SHISA9: variants seen among roughly 807,000 people sequenced by gnomAD.
SHISA9 encodes the protein shisa family member 9.
A neutral mutation model predicts 38.0 loss-of-function variants in SHISA9; 13 were observed. The observed-to-expected ratio is 0.34, with a 90% CI of 0.22 to 0.54. SHISA9 has a LOEUF of 0.54. SHISA9 is among the 20% of genes least tolerant of loss of function. SHISA9 has a pLI of 0.91. For synonymous variants in SHISA9, 275 were observed against 242.0 expected, an observed-to-expected ratio of 1.14 and a Z score of -1.27; for missense variants, 538 against 575.8, an observed-to-expected ratio of 0.93 and a Z score of 0.67.
chr16:13,362,273 C>CA, the SHISA9 span, among the ~76,000 whole-genome samples: 5 of 147,504 alleles, frequency 3.4e-5, no homozygotes, highest in African/African-American at 5.0e-5. Context: ...AAAAACCCCA[C>CA]AAAAAACAAA....
At chr16:13,440,481 A>G in the SHISA9 span, among the ~76,000 whole-genome samples, 2 of 152,204 alleles carry the variant, frequency 1.3e-5, no homozygotes, top group South Asian at 2.1e-4. Flanking sequence ...TGGCTTTAAA[A>G]CAGAGCAGAG....
intron 3 of SHISA9, among the ~76,000 whole-genome samples, chr16:13,211,728 A>G (rs1253495879): frequency 6.6e-6 from 1 of 152,216 alleles, no homozygotes; most frequent in African/African-American, 2.4e-5. Context: ...TGTAATAGCT[A>G]AGCCCTATCT....
In SHISA9 at chr16:13,239,798, G is replaced by A. The variant is rs1596762151; in HGVS notation, c.*4389G>A. 1 of 151,984 alleles carries A rather than the reference G, an allele frequency of 6.6e-6. No homozygotes were observed. The highest frequency in any genetic ancestry group is 6.5e-5 in the Admixed American group (1 of 15,270). 9.4% of individuals were successfully genotyped at this position (151,984 alleles called of 1,614,324 possible). On this transcript the variant is annotated 3_prime_UTR_variant, in exon 5 of 5. Coordinates refer to ENST00000558583, the MANE Select transcript of SHISA9 (RefSeq NM_001145204.3). Reference sequence around the variant, plus strand: ...ATTTTGTAGGTTGCCTGTTCACTCTGATGGTAGTTTCTTTTGCTGTGCAGA... The same window carrying A: ...ATTTTGTAGGTTGCCTGTTCACTCTAATGGTAGTTTCTTTTGCTGTGCAGA...
the SHISA9 span, among the ~76,000 whole-genome samples, chr16:13,433,835 T>C: frequency 1.3e-5 from 2 of 152,220 alleles, no homozygotes; most frequent in African/African-American, 4.8e-5. Flanking sequence ...GCTTTGGCTT[T>C]GACCATCTAT....
At chr16:13,230,176 T>C (rs2051317944) in intron 4 of SHISA9, among the ~76,000 whole-genome samples, 3 of 152,188 alleles carry the variant, frequency 2.0e-5, no homozygotes, top group South Asian at 4.1e-4. Flanking sequence ...TGCTAGAATG[T>C]CCACCCCAGC....
At chr16:13,475,502 C>T in the SHISA9 span, among the ~76,000 whole-genome samples, 1 of 151,836 alleles carries the variant, frequency 6.6e-6, no homozygotes, top group South Asian at 2.1e-4. Flanking sequence ...TAGGAGTGAT[C>T]AAGACAGTAA....
chr16:13,426,511 T>C, the SHISA9 span, among the ~76,000 whole-genome samples: 1 of 152,134 alleles, frequency 6.6e-6, no homozygotes, highest in African/African-American at 2.4e-5. Context: ...GTGATGGAAG[T>C]TTATGGCCCA....
chr16:13,442,491 A>G, the SHISA9 span, among the ~76,000 whole-genome samples: 1 of 152,164 alleles, frequency 6.6e-6, no homozygotes. Context: ...TATTATTATT[A>G]GAGACAGGGT....
chr16:13,197,458 C>G (rs769144775), intron 2 of SHISA9: 1 of 152,166 alleles, frequency 6.6e-6, no homozygotes, highest in African/African-American at 2.4e-5. Flanking sequence ...TTTTATTTCC[C>G]TGTTTAGTAA....
At chr16:13,345,104 C>CT in the SHISA9 span, among the ~76,000 whole-genome samples, 5 of 151,978 alleles carry the variant, frequency 3.3e-5, no homozygotes, top group Non-Finnish European at 7.4e-5. Context: ...CATTAAACTT[C>CT]TTTTTTTTAA....
chr16:12,998,358 C>T (rs2072484359), intron 2 of SHISA9, among the ~76,000 whole-genome samples: 1 of 152,206 alleles, frequency 6.6e-6, no homozygotes, highest in Non-Finnish European at 1.5e-5. Flanking sequence ...GGCAGGTGTT[C>T]TTGGCTGGTA....
At chr16:12,943,077 A>G (rs749637503) in intron 2 of SHISA9, among the ~76,000 whole-genome samples, 4 of 151,876 alleles carry the variant, frequency 2.6e-5, no homozygotes, top group African/African-American at 7.3e-5. Context: ...ACATTTCCCT[A>G]CAGCTGTTGA....
the SHISA9 span, among the ~76,000 whole-genome samples, chr16:13,247,775 T>C: frequency 6.6e-6 from 1 of 152,232 alleles, no homozygotes; most frequent in Non-Finnish European, 1.5e-5. Flanking sequence ...ATTTTTCCTT[T>C]TTGCAAGTTC....
chr16:13,369,989 A>G, the SHISA9 span, among the ~76,000 whole-genome samples: 1 of 152,058 alleles, frequency 6.6e-6, no homozygotes, highest in South Asian at 2.1e-4. Context: ...AATATACCAC[A>G]TTTTCTTTAT....
chr16:13,552,455 C>A, the SHISA9 span, among the ~76,000 whole-genome samples: 1 of 152,066 alleles, frequency 6.6e-6, no homozygotes, highest in Admixed American at 6.5e-5. Flanking sequence ...ACCACCAAGA[C>A]ATGGCAGTGG....
chr16:12,983,489 G>A (rs562729429), intron 2 of SHISA9, among the ~76,000 whole-genome samples: 1 of 152,184 alleles, frequency 6.6e-6, no homozygotes. Context: ...AGAGCAGAGA[G>A]TGGTTTTGGG....
chr16:13,213,160 AG>A, intron 3 of SHISA9, 92 bp from the exon 4 acceptor site: 2 of 1,105,010 alleles, frequency 1.8e-6, no homozygotes, highest in Non-Finnish European at 2.7e-6. Context: ...AGGCTGCAGC[AG>A]GGGCAGCCAA....
At chr16:13,278,167 A>G in the SHISA9 span, among the ~76,000 whole-genome samples, 1 of 152,208 alleles carries the variant, frequency 6.6e-6, no homozygotes, top group African/African-American at 2.4e-5. Context: ...GCATCTATTG[A>G]GATGATCATG....
intron 2 of SHISA9, among the ~76,000 whole-genome samples, chr16:13,153,498 T>G (rs150071): frequency 0.53 from 81,234 of 151,960 alleles, 23,205 homozygotes; most frequent in Non-Finnish European, 0.62. Context: ...AGATTGTTGA[T>G]GTATCTCATG....
Sources: gnomAD v4.1 joint callset for allele counts (sites outside exome capture counted in the v4.1 genomes callset) on GRCh38, gnomAD v4.1.1 for gene constraint, MANE v1.5 for transcripts, NCBI Gene and HGNC (gene_info 2026-07-23, HGNC 2026-07-21) for gene names.